Variants in DOK5 observed in about 807,000 individuals in gnomAD.
DOK5 encodes downstream of tyrosine kinase 5.
Under a neutral mutation model 43.3 loss-of-function variants are expected in DOK5, and 27 were observed. That is an observed-to-expected ratio of 0.62 (90% CI 0.46 to 0.86). The LOEUF (loss-of-function observed/expected upper bound fraction) is 0.86. Ranked by LOEUF, DOK5 falls within the 40% of genes least tolerant of loss-of-function variation. The probability of loss-of-function intolerance (pLI) is 0.00; values close to 1 mark genes in which losing one functional copy is unlikely to be tolerated. For synonymous variants in DOK5, 146 were observed against 140.1 expected (o/e 1.04, Z -0.30); for missense variants, 373 against 392.9 (o/e 0.95, Z 0.43).
chr20:54,544,133 AC>A (rs1426536632), intron 1 of DOK5, among the ~76,000 whole-genome samples: 1 of 152,098 alleles, frequency 6.6e-6, no homozygotes, highest in East Asian at 1.9e-4. Flanking sequence ...TGATTAACTA[AC>A]CCATTTTTGC....
At chr20:54,534,330 G>A (rs1983879864) in intron 1 of DOK5, among the ~76,000 whole-genome samples, 1 of 152,148 alleles carries the variant, frequency 6.6e-6, no homozygotes, top group African/African-American at 2.4e-5. Flanking sequence ...TGAGACTACA[G>A]GCGCACGCCA....
chr20:54,559,908 T>A (rs1158416919), intron 2 of DOK5, among the ~76,000 whole-genome samples: 1 of 152,226 alleles, frequency 6.6e-6, no homozygotes, highest in African/African-American at 2.4e-5. Context: ...TCTCTAACTG[T>A]AGAGATTAAT....
chr20:54,576,954 A>G (rs773557987), intron 2 of DOK5, among the ~76,000 whole-genome samples: 6 of 152,194 alleles, frequency 3.9e-5, no homozygotes, highest in Non-Finnish European at 7.3e-5. Context: ...ATTCTTTAAC[A>G]TATTTGTCTC....
chr20:54,588,369 C>T (rs778404906), intron 2 of DOK5, 114 bp from the exon 3 acceptor site: 1 of 780,868 alleles, frequency 1.3e-6, no homozygotes, highest in Non-Finnish European at 2.2e-6. Flanking sequence ...ACTTTTTCAA[C>T]AGGTTGTGCT....
chr20:54,591,766 A>G lies in DOK5; in HGVS notation c.560A>G (p.Tyr187Cys). The G allele has an allele frequency of 6.2e-7, 1 of 1,614,082 alleles. No homozygotes were observed. The highest frequency in any genetic ancestry group is 8.5e-7 in the Non-Finnish European group (1 of 1,180,016). The change falls in exon 5 of 8, where the codon TAT becomes TGT. Residue 187 changes from tyrosine (Y) to cysteine (C), a missense_variant. Physicochemically the swap from Tyr to Cys is radical, Grantham distance 194. Coordinates refer to ENST00000262593, the MANE Select transcript of DOK5 (RefSeq NM_018431.5). ...ISWPLSALRR[Y>C]GRDTTWFTFE... ...TGGCCGCTAAGCGCCCTGCGGCGGTATGGACGTGATACTACGTGGTTCACT... is the reference window on the plus strand; with the variant it reads ...TGGCCGCTAAGCGCCCTGCGGCGGTGTGGACGTGATACTACGTGGTTCACT...
At chr20:54,581,877 T>C (rs1326001123) in intron 2 of DOK5, among the ~76,000 whole-genome samples, 1 of 152,044 alleles carries the variant, frequency 6.6e-6, no homozygotes, top group South Asian at 2.1e-4. Flanking sequence ...TATTGATGCC[T>C]TTTACTTCTC....
intron 5 of DOK5, among the ~76,000 whole-genome samples, chr20:54,600,867 A>T (rs567661375): frequency 5.9e-5 from 9 of 152,300 alleles, no homozygotes; most frequent in Admixed American, 1.3e-4. Context: ...GATGAGGTTA[A>T]ATTCTTCTCT....
At chr20:54,582,112 C>T (rs1364193488) in intron 2 of DOK5, among the ~76,000 whole-genome samples, 7 of 151,832 alleles carry the variant, frequency 4.6e-5, no homozygotes, top group Admixed American at 6.6e-5. Context: ...GCCTTTTCTG[C>T]ATCTGTTGAG....
chr20:54,533,618 C>T (rs1279644158), intron 1 of DOK5, among the ~76,000 whole-genome samples: 2 of 152,138 alleles, frequency 1.3e-5, no homozygotes, highest in Admixed American at 1.3e-4. Flanking sequence ...CTACCATTAT[C>T]ATCATTAACA....
intron 2 of DOK5, among the ~76,000 whole-genome samples, chr20:54,567,567 A>G (rs1172574427): frequency 6.6e-6 from 1 of 151,826 alleles, no homozygotes; most frequent in Non-Finnish European, 1.5e-5. Context: ...CCAATATCAT[A>G]CTCTCTTGAT....
intron 5 of DOK5, among the ~76,000 whole-genome samples, chr20:54,607,160 C>A (rs1037944266): frequency 6.6e-6 from 1 of 152,194 alleles, no homozygotes; most frequent in Non-Finnish European, 1.5e-5. Context: ...GCTATCTAAC[C>A]TGTCTAAACA....
chr20:54,518,433 G>A (rs995064368), intron 1 of DOK5, among the ~76,000 whole-genome samples: 3 of 152,048 alleles, frequency 2.0e-5, no homozygotes, highest in African/African-American at 7.2e-5. Flanking sequence ...CTTCATCCAT[G>A]TCCCTACAAG....
intron 1 of DOK5, among the ~76,000 whole-genome samples, chr20:54,517,245 T>A (rs546228331): frequency 2.4e-4 from 36 of 152,318 alleles, no homozygotes; most frequent in Admixed American, 2.4e-3. Context: ...TTGGGTTAGC[T>A]TAGCTTCATT....
intron 2 of DOK5, among the ~76,000 whole-genome samples, chr20:54,565,605 C>T (rs1985066419): frequency 2.0e-5 from 3 of 152,164 alleles, no homozygotes; most frequent in Non-Finnish European, 1.5e-5. Context: ...GTCTCTCTAA[C>T]ATTGTCTCTT....
chr20:54,649,416 C>CAAATAAAATA (rs139528756), intron 7 of DOK5, among the ~76,000 whole-genome samples: 10 of 151,926 alleles, frequency 6.6e-5, no homozygotes, highest in Non-Finnish European at 1.5e-4. Flanking sequence ...AAAATACATA[C>CAAATAAAATA]AAATAAAATA....
chr20:54,562,967 G>A (rs575630528), intron 2 of DOK5, among the ~76,000 whole-genome samples: 1 of 152,204 alleles, frequency 6.6e-6, no homozygotes, highest in Admixed American at 6.5e-5. Context: ...TGGGATTATC[G>A]GATTAGAGTG....
intron 1 of DOK5, among the ~76,000 whole-genome samples, chr20:54,500,179 G>A (rs1358326708): frequency 6.6e-6 from 1 of 152,112 alleles, no homozygotes; most frequent in Non-Finnish European, 1.5e-5. Flanking sequence ...AAAAACAAAG[G>A]AAGAAGATGC....
At chr20:54,610,611 A>G in intron 6 of DOK5, 88 bp downstream of exon 6, 1 of 1,301,362 alleles carries the variant, frequency 7.7e-7, no homozygotes, top group East Asian at 2.8e-5. Context: ...TATGGTCAGC[A>G]TTATTTGAGC....
chr20:54,491,631 G>A (rs565644922), intron 1 of DOK5, among the ~76,000 whole-genome samples: 2 of 152,148 alleles, frequency 1.3e-5, no homozygotes, highest in Non-Finnish European at 2.9e-5. Flanking sequence ...AGACGGAAAT[G>A]CCTGCCCTCC....
Sources: gnomAD v4.1 joint callset for allele counts (sites outside exome capture counted in the v4.1 genomes callset) on GRCh38, gnomAD v4.1.1 for gene constraint, MANE v1.5 for transcripts, NCBI Gene and HGNC (gene_info 2026-07-23, HGNC 2026-07-21) for gene names.